Variants in KIAA1217 observed in about 807,000 individuals in gnomAD.
KIAA1217 encodes the protein KIAA1217.
A neutral mutation model predicts 163.9 loss-of-function variants in KIAA1217; 88 were observed. The ratio of observed to expected loss-of-function variants is 0.54; its 90% CI spans 0.45 to 0.64. KIAA1217 has a LOEUF of 0.64. Among genes scored for constraint, KIAA1217 ranks in the 30% least tolerant of loss-of-function variants. The probability of loss-of-function intolerance (pLI) is 0.00; values close to 1 mark genes in which losing one functional copy is unlikely to be tolerated. For synonymous variants in KIAA1217, 903 were observed against 923.1 expected (o/e 0.98, Z 0.39); for missense variants, 2,372 against 2,475.0 (o/e 0.96, Z 0.88).
intron 1 of KIAA1217, among the ~76,000 whole-genome samples, chr10:23,822,895 T>A (rs1301661519): frequency 1.3e-5 from 2 of 152,186 alleles, no homozygotes; most frequent in Non-Finnish European, 2.9e-5. Context: ...GAAAAATCAA[T>A]TAGCACATAT....
In KIAA1217 at chr10:24,124,535, C is replaced by T. The variant is rs995187125; in HGVS notation, c.-170-95091C>T. ...GTCTTGTTCCAGATTTAATATGAGA[C>T]GCCTCTGACTTTAACCATTAAGTAT... On this transcript the variant is annotated intron_variant, in intron 2 of 18. Transcript: ENST00000376462. 9.2e-5 allele frequency among the ~76,000 whole-genome samples: 14 copies of T among 152,162 alleles called. No homozygotes were observed. The East Asian group carries it at 1.9e-3, about 21-fold the overall frequency.
At chr10:24,512,896 TAGAGAG>T (rs1176058572) in intron 9 of KIAA1217, among the ~76,000 whole-genome samples, 1 of 152,200 alleles carries the variant, frequency 6.6e-6, no homozygotes, top group Non-Finnish European at 1.5e-5. Flanking sequence ...CACAGTGGGC[TAGAGAG>T]AGAGTATGGG....
At chr10:24,009,472 A>G (rs1847151329) in intron 2 of KIAA1217, among the ~76,000 whole-genome samples, 2 of 152,192 alleles carry the variant, frequency 1.3e-5, no homozygotes, top group African/African-American at 4.8e-5. Context: ...TGTGTTTCAA[A>G]TTATAGCACT....
At chr10:24,128,542 G>C (rs1188048198) in intron 2 of KIAA1217, among the ~76,000 whole-genome samples, 2 of 152,152 alleles carry the variant, frequency 1.3e-5, no homozygotes, top group Admixed American at 1.3e-4. Flanking sequence ...TGATGCACAC[G>C]ACCTATTGAT....
At chr10:24,426,329 A>G (rs1160903775) in intron 3 of KIAA1217, among the ~76,000 whole-genome samples, 2 of 152,334 alleles carry the variant, frequency 1.3e-5, no homozygotes, top group African/African-American at 4.8e-5. Flanking sequence ...CAGGATTAAA[A>G]GCCACGCTTG....
At chr10:23,948,383 T>C (rs573673962) in intron 1 of KIAA1217, among the ~76,000 whole-genome samples, 13 of 152,172 alleles carry the variant, frequency 8.5e-5, no homozygotes, top group Non-Finnish European at 1.9e-4. Context: ...CTTACCAGGG[T>C]TTCAAATTTA....
chr10:23,801,152 A>G (rs890053686), intron 1 of KIAA1217, among the ~76,000 whole-genome samples: 2 of 152,208 alleles, frequency 1.3e-5, no homozygotes, highest in African/African-American at 4.8e-5. Context: ...GCCATAAAAA[A>G]GGATGAGTTC....
At position 23,991,528 on chromosome 10, in the gene KIAA1217, G is replaced by A. The variant is rs146380572; in HGVS notation, c.-320-15697G>A. 4.3e-3 allele frequency among the ~76,000 whole-genome samples: 662 copies of A among 152,260 alleles called. 11 individuals carry two copies. Among genetic ancestry groups the A allele is most frequent in the African/African-American group, 0.015 (633 of 41,570 alleles). On this transcript the variant is annotated intron_variant, in intron 1 of 18. Coordinates refer to the KIAA1217 transcript ENST00000376462. Reference sequence around the variant, plus strand: ...GTAATATATTCAGTGCTGTGGTTCAGAAAAGGGAGTAATCTCTATACACCG... The same window carrying A: ...GTAATATATTCAGTGCTGTGGTTCAAAAAAGGGAGTAATCTCTATACACCG...
intron 1 of KIAA1217, among the ~76,000 whole-genome samples, chr10:23,789,801 T>TC: frequency 6.6e-6 from 1 of 151,768 alleles, no homozygotes; most frequent in African/African-American, 2.4e-5. Flanking sequence ...TACTAAGCTG[T>TC]CAGTGCATGG....
chr10:23,936,964 C>T (rs1048992030), intron 1 of KIAA1217, among the ~76,000 whole-genome samples: 3 of 152,134 alleles, frequency 2.0e-5, no homozygotes, highest in Non-Finnish European at 4.4e-5. Flanking sequence ...CTGCAACCTC[C>T]ACCTCCCGGG....
At chr10:23,958,641 T>A (rs11013812) in intron 1 of KIAA1217, among the ~76,000 whole-genome samples, 20,676 of 152,046 alleles carry the variant, frequency 0.14, 2,977 homozygotes, top group African/African-American at 0.37. Flanking sequence ...TTTTCTAAAT[T>A]TTCTGGAAAA....
chr10:24,063,232 G>A (rs1589354082), intron 2 of KIAA1217, among the ~76,000 whole-genome samples: 2 of 152,068 alleles, frequency 1.3e-5, no homozygotes, highest in Non-Finnish European at 2.9e-5. Flanking sequence ...TGTCCTGAAT[G>A]GTATTGCCTA....
intron 2 of KIAA1217, among the ~76,000 whole-genome samples, chr10:24,152,129 G>T (rs2064647290): frequency 6.6e-6 from 1 of 151,944 alleles, no homozygotes; most frequent in Non-Finnish European, 1.5e-5. Context: ...GAATGCTTTG[G>T]TTCTTAGATA....
intron 2 of KIAA1217, among the ~76,000 whole-genome samples, chr10:24,064,577 A>G (rs1355647268): frequency 6.6e-6 from 1 of 152,182 alleles, no homozygotes; most frequent in African/African-American, 2.4e-5. Context: ...ATCAATGTTC[A>G]TCAAGGATAT....
chr10:24,229,655 T>G (rs2071092310), intron 2 of KIAA1217, among the ~76,000 whole-genome samples: 1 of 152,132 alleles, frequency 6.6e-6, no homozygotes, highest in Non-Finnish European at 1.5e-5. Flanking sequence ...GTAGCTGGGA[T>G]TACAGGTGCC....
chr10:24,405,501 C>G (rs1034491199), intron 3 of KIAA1217, among the ~76,000 whole-genome samples: 2 of 151,982 alleles, frequency 1.3e-5, no homozygotes, highest in Non-Finnish European at 2.9e-5. Context: ...AATAAAAGAC[C>G]AGAGAGAGTG....
intron 5 of KIAA1217, among the ~76,000 whole-genome samples, chr10:24,466,377 A>G (rs2062947757): frequency 6.6e-6 from 1 of 152,090 alleles, no homozygotes; most frequent in Admixed American, 6.5e-5. Flanking sequence ...GGCCGTTTAA[A>G]GTTCCTTCAT....
At chr10:24,068,119 C>T (rs554672267) in intron 2 of KIAA1217, among the ~76,000 whole-genome samples, 10 of 152,316 alleles carry the variant, frequency 6.6e-5, no homozygotes, top group Admixed American at 2.0e-4. Flanking sequence ...GCCTTGCTTC[C>T]GCTCATGCAT....
intron 1 of KIAA1217, among the ~76,000 whole-genome samples, chr10:23,875,879 C>T (rs1840668307): frequency 7.3e-6 from 1 of 137,140 alleles, no homozygotes; most frequent in Admixed American, 8.6e-5. Flanking sequence ...TGTCCTCACT[C>T]ATAGGTGGGA....
Sources: gnomAD v4.1 joint callset for allele counts (sites outside exome capture counted in the v4.1 genomes callset) on GRCh38, gnomAD v4.1.1 for gene constraint, MANE v1.5 for transcripts, NCBI Gene and HGNC (gene_info 2026-07-23, HGNC 2026-07-21) for gene names.